The following C4orf50 variants were observed in gnomAD, a reference collection of about 807,000 sequenced individuals.
C4orf50 encodes chromosome 4 open reading frame 50.
Under a neutral mutation model 77.2 loss-of-function variants are expected in C4orf50, and 80 were observed. The ratio of observed to expected loss-of-function variants is 1.04; its 90% confidence interval spans 0.87 to 1.25. C4orf50 has a LOEUF of 1.25. Among genes scored for constraint, C4orf50 ranks in the 50% most tolerant of loss-of-function variants. The pLI is 0.00. For synonymous variants in C4orf50, 532 were observed against 465.3 expected (o/e 1.14, Z -1.84); for missense variants, 1,257 against 1,152.9 (o/e 1.09, Z -1.31).
intron 7 of C4orf50, among the ~76,000 whole-genome samples, chr4:5,910,447 A>C (rs769657028): frequency 6.6e-6 from 1 of 152,202 alleles, no homozygotes; most frequent in Non-Finnish European, 1.5e-5. Flanking sequence ...ATTTTAAGTA[A>C]TGTTTGTGTT....
At chr4:5,927,779 C>T (rs1369422320) in intron 7 of C4orf50, among the ~76,000 whole-genome samples, 1 of 152,108 alleles carries the variant, frequency 6.6e-6, no homozygotes. Flanking sequence ...TATAAGTTAC[C>T]CAGTCTCAGG....
exon 28 of C4orf50, chr4:5,989,890 C>A: frequency 6.3e-6 from 9 of 1,436,850 alleles, no homozygotes; most frequent in Non-Finnish European, 8.2e-6. Flanking sequence ...CTCCAGGCTT[C>A]CTCCTTGCAG....
Position 5,906,001 on chromosome 4 carries a change from A to C in C4orf50, c.*2475-7813T>G, listed in dbSNP as rs367669371. On this transcript the variant is annotated intron_variant, in intron 7 of 7. Coordinates refer to the C4orf50 transcript ENST00000324058. ...ACATAGGAATCATCAAACAAATGCA[A>C]GTCCCAGGTGCTGCTGTAAAGGAGG... Among the ~76,000 whole-genome samples the C allele has an allele frequency of 6.6e-5, 10 of 152,210 alleles. No homozygotes were observed. The East Asian group carries it at 9.7e-4, about 15-fold the overall frequency.
At chr4:5,948,204 G>C (rs915633702) in intron 7 of C4orf50, among the ~76,000 whole-genome samples, 1 of 152,202 alleles carries the variant, frequency 6.6e-6, no homozygotes, top group Non-Finnish European at 1.5e-5. Context: ...TTGCAGGTGC[G>C]AAAATTCAAT....
Position 5,992,844 on chromosome 4 carries a change from T to C in C4orf50, c.1180A>G (p.Ser394Gly), listed in dbSNP as rs904050665. The C allele has an allele frequency of 1.0e-5, 4 of 398,994 alleles. No homozygotes were observed. The highest frequency in any genetic ancestry group is 1.8e-5 in the Non-Finnish European group (4 of 226,154). The allele number at this position is 398,994 out of a possible 1,614,324, so 24.7% of individuals were successfully genotyped here. ...CCGGCCAGGTCTCTGGGGAGCTCGC[T>C]TGTGGTCTCCGGGCCTGGAGCCAAA... The change falls in exon 27 of 34, where the codon AGC becomes GGC. Residue 394 changes from serine (S) to glycine (G), a missense_variant. Ser to Gly is a moderately conservative substitution (Grantham distance 56). Transcript: ENST00000531445. The surrounding 1 kb of genome is among the most constrained non-coding windows in gnomAD (Gnocchi z 5.0).
In C4orf50 at chr4:6,008,292, A is replaced by T. The variant is rs1261064272; in HGVS notation, c.667T>A (p.Trp223Arg). 7.7e-6 allele frequency: 3 copies of T among 390,398 alleles called. No homozygotes were observed. The highest frequency in any genetic ancestry group is 1.4e-5 in the Non-Finnish European group (3 of 220,950). 24.2% of individuals were successfully genotyped at this position (390,398 alleles called of 1,614,324 possible). A position where few individuals can be genotyped will look rare whatever the true frequency, so the allele number is the denominator to read the frequency against. The stretch of plus-strand genomic sequence containing the variant: ...TGGGAGCCTGGGGCCGCGGTGTCCC[A>T]CTGGGCCAGCAGGAGGCCCGCGGCG... The change falls in exon 25 of 34, where the codon TGG (tryptophan) becomes AGG (arginine). Residue 223 changes from tryptophan to arginine, a missense_variant. Transcript: ENST00000531445. This position sits in a 1 kb window ranked among gnomAD's most constrained non-coding sequence, Gnocchi z 6.0.
At chr4:5,976,658 T>G (rs1490769209) in intron 29 of C4orf50, among the ~76,000 whole-genome samples, 1 of 152,142 alleles carries the variant, frequency 6.6e-6, no homozygotes, top group Admixed American at 6.6e-5. Flanking sequence ...TGCAAGACAC[T>G]CTCTGCCTCA....
intron 31 of C4orf50, among the ~76,000 whole-genome samples, chr4:5,973,317 T>A (rs1050810707): frequency 7.2e-5 from 11 of 152,202 alleles, no homozygotes; most frequent in Admixed American, 2.6e-4. Flanking sequence ...AGCAGCCTGC[T>A]AGAGGAAGTG....
chr4:5,925,099 T>C (rs1310332846), intron 7 of C4orf50, among the ~76,000 whole-genome samples: 2 of 151,830 alleles, frequency 1.3e-5, no homozygotes, highest in Non-Finnish European at 2.9e-5. Flanking sequence ...TGCCAAGATG[T>C]TGGTCTGGGC....
exon 28 of C4orf50, chr4:5,989,384 T>C (rs1721114446): frequency 1.3e-6 from 2 of 1,535,946 alleles, no homozygotes; most frequent in Non-Finnish European, 1.7e-6. Flanking sequence ...ACTTCGCTGG[T>C]GCCCAGGGCC....
intron 26 of C4orf50, 89 bp downstream of exon 4, chr4:5,994,258 T>C: frequency 2.5e-6 from 1 of 397,974 alleles, no homozygotes. Flanking sequence ...TCTCCCTGCG[T>C]CATCGGGACA....
chr4:5,952,495 G>A, downstream of C4orf50, among the ~76,000 whole-genome samples: 1 of 152,154 alleles, frequency 6.6e-6, no homozygotes, highest in East Asian at 1.9e-4. This position sits in a 1 kb window ranked among gnomAD's most constrained non-coding sequence, Gnocchi z 4.4. Context: ...CAGCGGGGCT[G>A]GTCTCTGGCC....
rs1577883193 is a variant in C4orf50 at position 5,916,769 on chromosome 4, T to C, written c.*2475-18581A>G. 6.6e-6 allele frequency among the ~76,000 whole-genome samples: 1 copy of C among 152,236 alleles called. No individual in the cohort carries two copies. Among genetic ancestry groups the C allele is most frequent in the Non-Finnish European group, 1.5e-5 (1 of 68,010 alleles). On this transcript the variant is annotated intron_variant, in intron 7 of 7. Transcript: ENST00000324058. The surrounding 1 kb of genome is among the most constrained non-coding windows in gnomAD (Gnocchi z 4.4). ...AGGGTCACGGCCCCGAGAGCACTTC[T>C]GTGAAGAGCACAGAAGGCCTCGCAG...
chr4:5,965,190 G>A lies in C4orf50; in HGVS notation c.4154-45C>T, dbSNP rs757637170. The A allele has an allele frequency of 2.3e-5, 36 of 1,593,090 alleles. 1 individual carries two copies. The highest frequency in any genetic ancestry group is 2.8e-5 in the Non-Finnish European group (33 of 1,167,128). On this transcript the variant is annotated intron_variant, in intron 32 of 33. Transcript: ENST00000531445. Reference sequence around the variant, plus strand: ...GTCAAGCCTCCACCCAGGAACCTAGGTGAAAAGTCTACAAGTGTCTGAGCC... The same window carrying A: ...GTCAAGCCTCCACCCAGGAACCTAGATGAAAAGTCTACAAGTGTCTGAGCC...
rs73212652 is a variant in C4orf50 at position 5,992,136 on chromosome 4, G to A, written c.1221+667C>T. Among the ~76,000 whole-genome samples the A allele has an allele frequency of 0.068, 10,414 of 152,274 alleles. 390 individuals are homozygous for A. Among genetic ancestry groups the A allele is most frequent in the Middle Eastern group, 0.088 (26 of 294 alleles). ...CATTGCCCTGGGCTTCAAGGGAAGG[G>A]GGCGGTGAGGAGCGAGGCATATAGG... On this transcript the variant is annotated intron_variant, in intron 27 of 33. Transcript: ENST00000531445. The surrounding 1 kb of genome is among the most constrained non-coding windows in gnomAD (Gnocchi z 5.0).
In C4orf50 at chr4:5,919,516, G is replaced by T. The variant is rs190128899; in HGVS notation, c.*2475-21328C>A. 2.6e-5 allele frequency among the ~76,000 whole-genome samples: 4 copies of T among 152,244 alleles called. No homozygotes were observed. In the South Asian group the frequency reaches 6.2e-4, roughly 24 times the overall value. ...CTGTGCAGGAGGCCATGTCGAGGAC[G>T]TCTCCCAGGAAGGTTTCCCTGAGCA... is the stretch of plus-strand genomic sequence containing the variant. On this transcript the variant is annotated intron_variant, in intron 7 of 7. Transcript: ENST00000324058. This position sits in a 1 kb window ranked among gnomAD's most constrained non-coding sequence, Gnocchi z 6.5.
At position 5,921,826 on chromosome 4, in the gene C4orf50, G is replaced by A. The variant is rs528172460; in HGVS notation, c.*2475-23638C>T. On this transcript the variant is annotated intron_variant, in intron 7 of 7. Coordinates refer to the C4orf50 transcript ENST00000324058. The stretch of plus-strand genomic sequence containing the variant: ...CTTTCTAAAGAAAGAGCAGTCTGAC[G>A]GCCGGTGCTGGGAGGTGAGGAAATG... Among the ~76,000 whole-genome samples the A allele has an allele frequency of 6.6e-5, 10 of 152,292 alleles. No individual in the cohort carries two copies. The South Asian group carries it at 8.3e-4, about 13-fold the overall frequency.
rs191973964 is a variant in C4orf50, at chr4:5,916,723, G to A, written c.*2475-18535C>T. Among the ~76,000 whole-genome samples the A allele has an allele frequency of 1.0e-3, 156 of 152,276 alleles. 1 individual carries two copies. The South Asian group carries it at 0.014, about 13-fold the overall frequency. ...AGAAGACAATATCCAGATGGGTACT[G>A]AGGTCACTCCTGCAGGAAATAGGGT... On this transcript the variant is annotated intron_variant, in intron 7 of 7. Transcript: ENST00000324058. The surrounding 1 kb of genome is among the most constrained non-coding windows in gnomAD (Gnocchi z 4.4).
In C4orf50 at chr4:6,011,459, G is replaced by C. The variant is rs4496535; in HGVS notation, c.426+371C>G. ...CCCTGAACACACGCCATGGGGGATC[G>C]CACACTCCCCCATGGCACCCCACAT... On this transcript the variant is annotated intron_variant, in intron 24 of 33. Coordinates refer to ENST00000531445, the Ensembl canonical transcript of C4orf50. The surrounding 1 kb of genome is among the most constrained non-coding windows in gnomAD (Gnocchi z 4.2). 0.96 allele frequency among the ~76,000 whole-genome samples: 146,444 copies of C among 151,930 alleles called. 70,634 individuals carry two copies. Among genetic ancestry groups the C allele is most frequent in the East Asian group, 1 (5,083 of 5,084 alleles).
Sources: gnomAD v4.1 joint callset for allele counts (sites outside exome capture counted in the v4.1 genomes callset) on GRCh38, gnomAD v4.1.1 for gene constraint, Gnocchi (gnomAD v3.1) non-coding constraint, MANE v1.5 for transcripts, NCBI Gene and HGNC (gene_info 2026-07-23, HGNC 2026-07-21) for gene names.